The following KLF13 variants were observed in gnomAD, a reference collection of about 807,000 sequenced individuals.
KLF13 encodes Krueppel-like factor 13.
Under a neutral mutation model 16.7 loss-of-function variants are expected in KLF13, and 8 were observed. The ratio of observed to expected loss-of-function variants is 0.48; its 90% confidence interval spans 0.28 to 0.87. The LOEUF is 0.87. Among genes scored for constraint, KLF13 ranks in the 40% least tolerant of loss-of-function variants. KLF13 has a pLI of 0.10. For synonymous variants in KLF13, 245 were observed against 208.4 expected, an observed-to-expected ratio of 1.18 and a Z score of -1.51; for missense variants, 447 against 452.2, an observed-to-expected ratio of 0.99 and a Z score of 0.10.
At chr15:31,349,886 T>C (rs1224760101) in intron 1 of KLF13, among the ~76,000 whole-genome samples, 1 of 152,190 alleles carries the variant, frequency 6.6e-6, no homozygotes, top group Non-Finnish European at 1.5e-5. Flanking sequence ...AGCTCAGATG[T>C]CCCTGGAATT....
At chr15:31,431,550 C>T (rs1326826670) in intron 1 of KLF13, among the ~76,000 whole-genome samples, 2 of 152,056 alleles carry the variant, frequency 1.3e-5, no homozygotes, top group Non-Finnish European at 2.9e-5. Context: ...CTGCAACCTC[C>T]GCCTCCCAGG....
downstream of KLF13, among the ~76,000 whole-genome samples, chr15:31,404,943 G>C (rs528647185): frequency 6.6e-6 from 1 of 152,312 alleles, no homozygotes; most frequent in African/African-American, 2.4e-5. Flanking sequence ...GGAGCTCTTT[G>C]CTCTAATCCC....
chr15:31,363,705 T>C (rs1464485260), intron 1 of KLF13, among the ~76,000 whole-genome samples: 1 of 152,098 alleles, frequency 6.6e-6, no homozygotes, highest in Non-Finnish European at 1.5e-5. Context: ...AGGTTGGTCT[T>C]GAACTCCTGA....
At chr15:31,426,992 G>C (rs1311082891) in intron 1 of KLF13, among the ~76,000 whole-genome samples, 1 of 152,178 alleles carries the variant, frequency 6.6e-6, no homozygotes. Flanking sequence ...ACTTATGCTA[G>C]TGGTCCCCTG....
chr15:31,416,954 G>A (rs1048906068), intron 1 of KLF13, among the ~76,000 whole-genome samples: 20 of 152,162 alleles, frequency 1.3e-4, no homozygotes. Context: ...GAGGTGATTA[G>A]GTTATGGAGT....
At chr15:31,395,703 T>C (rs1250213290) in intron 2 of KLF13, among the ~76,000 whole-genome samples, 1 of 152,136 alleles carries the variant, frequency 6.6e-6, no homozygotes, top group African/African-American at 2.4e-5. Context: ...AGTGGTACCT[T>C]ATTGTGGTTT....
At chr15:31,371,114 A>C (rs2039549049) in intron 1 of KLF13, among the ~76,000 whole-genome samples, 1 of 152,182 alleles carries the variant, frequency 6.6e-6, no homozygotes, top group African/African-American at 2.4e-5. Context: ...CTGGGGTGCC[A>C]GAGCCCCCCA....
chr15:31,416,142 C>T (rs958392840), intron 1 of KLF13, among the ~76,000 whole-genome samples: 4 of 151,928 alleles, frequency 2.6e-5, no homozygotes, highest in Non-Finnish European at 4.4e-5. Context: ...ATAAACAATC[C>T]GAATATACCT....
rs557671338 is a variant in KLF13, at chr15:31,429,434, G to C, written n.118-5936G>C. 2.6e-5 allele frequency among the ~76,000 whole-genome samples: 4 copies of C among 152,278 alleles called. No homozygotes were observed. The South Asian group carries it at 8.3e-4, about 32-fold the overall frequency. Reference sequence around the variant, plus strand: ...ATAGCAGATGCCAGGGGCTGGAAGAGGGGGGAATAGTGAGTTATTATTTAA... The same window carrying C: ...ATAGCAGATGCCAGGGGCTGGAAGACGGGGGAATAGTGAGTTATTATTTAA... On this transcript the variant is annotated intron_variant and non_coding_transcript_variant, in intron 1 of 1. Coordinates refer to the KLF13 transcript ENST00000558225.
downstream of KLF13, among the ~76,000 whole-genome samples, chr15:31,405,640 A>G (rs1225895843): frequency 6.6e-6 from 1 of 152,166 alleles, no homozygotes; most frequent in Non-Finnish European, 1.5e-5. Flanking sequence ...TCTTTTTGTA[A>G]AGATGAGGAA....
rs943499810 is a variant in KLF13 at position 31,375,303 on chromosome 15, C to T, written c.*3004C>T. The T allele has an allele frequency of 2.6e-5, 4 of 152,236 alleles. No homozygotes were observed. Among genetic ancestry groups the T allele is most frequent in the Admixed American group, 6.5e-5 (1 of 15,282 alleles). The allele number at this position is 152,236 out of a possible 1,614,324, so 9.4% of individuals were successfully genotyped here. A position where few individuals can be genotyped will look rare whatever the true frequency, so the allele number is the denominator to read the frequency against. ...GGTGGGCCTTGGAACGCTGCCTCCACTGAGGCGGGCACACAAGGCGGACCC... is the reference window on the plus strand; with the variant it reads ...GGTGGGCCTTGGAACGCTGCCTCCATTGAGGCGGGCACACAAGGCGGACCC... On this transcript the variant is annotated 3_prime_UTR_variant, in exon 2 of 2. Transcript: ENST00000307145.
intron 1 of KLF13, among the ~76,000 whole-genome samples, chr15:31,422,476 A>G (rs1329365471): frequency 6.6e-6 from 1 of 150,620 alleles, no homozygotes; most frequent in African/African-American, 2.5e-5. Flanking sequence ...ACTCATTACC[A>G]TGAGAATATG....
At chr15:31,335,469 GT>G (rs1566802930) in intron 1 of KLF13, among the ~76,000 whole-genome samples, 3 of 82,838 alleles carry the variant, frequency 3.6e-5, no homozygotes, top group African/African-American at 4.9e-5. Flanking sequence ...GTGTGTGTGT[GT>G]GTGTGTATGG....
intron 1 of KLF13, among the ~76,000 whole-genome samples, chr15:31,338,004 C>A (rs1006893735): frequency 1.3e-5 from 2 of 151,710 alleles, no homozygotes; most frequent in Middle Eastern, 6.8e-3. Flanking sequence ...TGTTGGCGAG[C>A]AGGTAGGTGG....
rs144855930 is a variant in KLF13 at position 31,426,699 on chromosome 15, G to A, written n.118-8671G>A. ...ATATATGTGATGGTTAATTTTATGT[G>A]TCACCTTGACTAGAGTAAGGATTGT... On this transcript the variant is annotated intron_variant and non_coding_transcript_variant, in intron 1 of 1. Coordinates refer to the KLF13 transcript ENST00000558225. 8.2e-4 allele frequency among the ~76,000 whole-genome samples: 125 copies of A among 152,292 alleles called. 1 individual carries two copies. The Middle Eastern group carries it at 0.037, about 46-fold the overall frequency.
intron 1 of KLF13, among the ~76,000 whole-genome samples, chr15:31,435,191 C>T (rs968152089): frequency 1.6e-4 from 25 of 152,130 alleles, no homozygotes; most frequent in African/African-American, 3.6e-4. Flanking sequence ...GGGGCTGTTC[C>T]GAGGGGCCTT....
At chr15:31,382,818 C>T (rs550470134), downstream of KLF13, among the ~76,000 whole-genome samples, 1 of 152,206 alleles carries the variant, frequency 6.6e-6, no homozygotes, top group African/African-American at 2.4e-5. Context: ...GTACCGCGTC[C>T]ACTCACTCAG....
At chr15:31,391,130 A>T (rs866138416), upstream of KLF13, among the ~76,000 whole-genome samples, 1 of 14,974 alleles carries the variant, frequency 6.7e-5, no homozygotes, top group Non-Finnish European at 1.2e-4. Context: ...TGTGGGGCTG[A>T]GGGGGCTGTG....
chr15:31,383,351 G>A (rs2039751493), intron 1 of KLF13, among the ~76,000 whole-genome samples: 1 of 152,202 alleles, frequency 6.6e-6, no homozygotes, highest in Non-Finnish European at 1.5e-5. Context: ...CTTTGTACAT[G>A]AACCTTCCAC....
Sources: allele counts gnomAD v4.1 joint callset (sites outside exome capture counted in the v4.1 genomes callset), GRCh38; gene constraint gnomAD v4.1.1; transcripts MANE v1.5; gene names NCBI Gene and HGNC (gene_info 2026-07-23, HGNC 2026-07-21).